FBXO16: variants seen among roughly 807,000 people sequenced by gnomAD.
FBXO16 encodes F-box protein 16, also known as F-box only protein 16.
A neutral mutation model predicts 41.0 loss-of-function variants in FBXO16; 31 were observed. The ratio of observed to expected loss-of-function variants is 0.76; its 90% CI spans 0.57 to 1.02. The LOEUF (loss-of-function observed/expected upper bound fraction) is 1.02, where lower values mean the gene tolerates loss of function less well. Ranked by LOEUF, FBXO16 falls within the 50% of genes least tolerant of loss-of-function variation. The probability of loss-of-function intolerance (pLI) is 0.00; values close to 1 mark genes in which losing one functional copy is unlikely to be tolerated. For synonymous variants in FBXO16, 133 were observed against 117.8 expected (o/e 1.13, Z -0.84); for missense variants, 361 against 346.2 (o/e 1.04, Z -0.34).
At chr8:28,437,198 T>A (rs977401474) in intron 7 of FBXO16, among the ~76,000 whole-genome samples, 1 of 152,230 alleles carries the variant, frequency 6.6e-6, no homozygotes, top group Non-Finnish European at 1.5e-5. Context: ...TGTCACATAT[T>A]TTGTGTTAAA....
intron 7 of FBXO16, 58 bp downstream of exon 7, chr8:28,447,113 G>C (rs1802876308): frequency 1.4e-6 from 2 of 1,460,630 alleles, no homozygotes; most frequent in Admixed American, 3.8e-5. Context: ...AATAGGATTA[G>C]AGATCTGGAG....
At chr8:28,485,882 C>T (rs780149134) in intron 1 of FBXO16, among the ~76,000 whole-genome samples, 6 of 152,040 alleles carry the variant, frequency 3.9e-5, no homozygotes, top group East Asian at 1.9e-4. Flanking sequence ...CTGAGGCAGG[C>T]GGATCACCTG....
chr8:28,429,013 T>A (rs969479211), intron 8 of FBXO16, among the ~76,000 whole-genome samples: 8 of 152,168 alleles, frequency 5.3e-5, no homozygotes, highest in African/African-American at 1.9e-4. Flanking sequence ...TTAATAAGTT[T>A]CATTTTGCAA....
chr8:28,440,966 G>A (rs184026439), intron 7 of FBXO16, among the ~76,000 whole-genome samples: 29 of 152,276 alleles, frequency 1.9e-4, no homozygotes, highest in South Asian at 1.2e-3. Context: ...CCAGGGCCTC[G>A]GAAGTTCAAA....
chr8:28,463,976 A>G (rs1258687512), intron 3 of FBXO16, among the ~76,000 whole-genome samples, 158 bp from the exon 4 acceptor site: 1 of 152,224 alleles, frequency 6.6e-6, no homozygotes, highest in Non-Finnish European at 1.5e-5. Context: ...TTTGCCACCT[A>G]TCTTCTCTCA....
chr8:28,487,456 G>A (rs541636084), intron 1 of FBXO16, among the ~76,000 whole-genome samples: 13 of 145,552 alleles, frequency 8.9e-5, no homozygotes, highest in East Asian at 4.1e-4. Flanking sequence ...GTGCAGTGGC[G>A]TGATCTCGGC....
rs1276119828 is a variant in FBXO16 at position 28,452,242 on chromosome 8, AC to A, written c.740+1del. On this transcript the variant is annotated splice_donor_variant, in intron 6 of 8. Transcript: ENST00000380254. LOFTEE classifies it high-confidence loss of function. ...AGTTGAGAAGAGCATGGAGCTTCTTACCCTTGCTGGACAGTCTCCATGGGGT... is the reference window on the plus strand; with the variant it reads ...AGTTGAGAAGAGCATGGAGCTTCTTACCTTGCTGGACAGTCTCCATGGGGT... 1.2e-6 allele frequency: 2 copies of A among 1,611,802 alleles called. No homozygotes were observed. Among genetic ancestry groups the A allele is most frequent in the African/African-American group, 2.7e-5 (2 of 74,836 alleles).
At chr8:28,471,732 T>C (rs1803337706) in intron 3 of FBXO16, among the ~76,000 whole-genome samples, 1 of 134,652 alleles carries the variant, frequency 7.4e-6, no homozygotes, top group African/African-American at 2.8e-5. Context: ...TCAAGGAATG[T>C]ATAACGAAAA....
At chr8:28,452,976 A>ATG (rs1802980993) in intron 5 of FBXO16, among the ~76,000 whole-genome samples, 1 of 151,956 alleles carries the variant, frequency 6.6e-6, no homozygotes, top group Non-Finnish European at 1.5e-5. Flanking sequence ...ACCATCACCA[A>ATG]TGTCATCATC....
intron 4 of FBXO16, among the ~76,000 whole-genome samples, 157 bp from the exon 5 acceptor site, chr8:28,457,087 AG>A (rs1321652090): frequency 6.6e-6 from 1 of 152,170 alleles, no homozygotes; most frequent in African/African-American, 2.4e-5. Flanking sequence ...TCCTACCTGA[AG>A]TGTTTCCTAC....
chr8:28,444,302 C>CT (rs575375088), intron 7 of FBXO16, among the ~76,000 whole-genome samples: 6,638 of 128,576 alleles, frequency 0.052, 277 homozygotes, highest in African/African-American at 0.084. Context: ...AATATTTCTT[C>CT]TTTTTTTTTT....
chr8:28,483,292 T>A, intron 2 of FBXO16, 56 bp downstream of exon 2: 2 of 1,461,772 alleles, frequency 1.4e-6, no homozygotes, highest in South Asian at 2.5e-5. Flanking sequence ...AAAATTTTAA[T>A]ATCTTTTTTC....
chr8:28,441,846 T>C (rs13272190), intron 7 of FBXO16, among the ~76,000 whole-genome samples: 3 of 149,742 alleles, frequency 2.0e-5, no homozygotes, highest in African/African-American at 7.4e-5. Flanking sequence ...TATATATATA[T>C]ATAATGTGTG....
intron 7 of FBXO16, among the ~76,000 whole-genome samples, chr8:28,443,405 G>A (rs894507657): frequency 2.0e-5 from 3 of 152,118 alleles, no homozygotes; most frequent in Non-Finnish European, 2.9e-5. Flanking sequence ...GATATTAGGC[G>A]TGAGGAATCT....
At chr8:28,457,034 C>T in intron 4 of FBXO16, 104 bp from the exon 5 acceptor site, 1 of 1,233,690 alleles carries the variant, frequency 8.1e-7, no homozygotes, top group Non-Finnish European at 1.1e-6. Context: ...CCTGAGAAAA[C>T]TTTTTTGTCC....
chr8:28,469,641 C>A (rs1190023071), intron 3 of FBXO16, among the ~76,000 whole-genome samples: 1 of 152,156 alleles, frequency 6.6e-6, no homozygotes, highest in African/African-American at 2.4e-5. Context: ...TGGTGGCTCA[C>A]GCCTGTAATA....
chr8:28,460,320 C>T (rs566586149), intron 4 of FBXO16, among the ~76,000 whole-genome samples: 1 of 120,764 alleles, frequency 8.3e-6, no homozygotes, highest in South Asian at 2.7e-4. Context: ...ATGATCATAG[C>T]TTACTGTAGC....
chr8:28,446,370 G>A (rs1426068249), intron 7 of FBXO16, among the ~76,000 whole-genome samples: 2 of 150,684 alleles, frequency 1.3e-5, no homozygotes, highest in Non-Finnish European at 3.0e-5. Flanking sequence ...ACAGGGTTCC[G>A]CCATGCTGCC....
At chr8:28,451,082 A>T (rs1802943766) in intron 6 of FBXO16, among the ~76,000 whole-genome samples, 1 of 152,192 alleles carries the variant, frequency 6.6e-6, no homozygotes, top group African/African-American at 2.4e-5. Flanking sequence ...TAAGCGAGAA[A>T]GAGGCACCTC....
Sources: allele counts gnomAD v4.1 joint callset (sites outside exome capture counted in the v4.1 genomes callset), GRCh38; gene constraint gnomAD v4.1.1; transcripts MANE v1.5; gene names NCBI Gene and HGNC (gene_info 2026-07-23, HGNC 2026-07-21).